SMPD3: variants seen among roughly 807,000 people sequenced by gnomAD.
SMPD3 encodes nSMase-2.
Under a neutral mutation model 55.7 loss-of-function variants are expected in SMPD3, and 21 were observed. The observed-to-expected ratio is 0.38, with a 90% CI of 0.27 to 0.54. The LOEUF is 0.54. SMPD3 is among the 20% of genes least tolerant of loss of function. SMPD3 has a pLI of 0.80. For synonymous variants in SMPD3, 457 were observed against 404.3 expected (o/e 1.13, Z -1.56); for missense variants, 842 against 899.6 (o/e 0.94, Z 0.82).
chr16:68,376,962 C>T (rs2089832012), intron 2 of SMPD3, among the ~76,000 whole-genome samples: 1 of 152,206 alleles, frequency 6.6e-6, no homozygotes. Flanking sequence ...GCCCTGCTTC[C>T]TTCCCTACCC....
chr16:68,376,460 G>A (rs2089817750), intron 2 of SMPD3, among the ~76,000 whole-genome samples: 1 of 152,264 alleles, frequency 6.6e-6, no homozygotes, highest in East Asian at 1.9e-4. Flanking sequence ...GGGCCCCTCT[G>A]AGGGGACTGG....
intron 1 of SMPD3, among the ~76,000 whole-genome samples, chr16:68,397,804 C>T (rs1296159982): frequency 6.6e-6 from 1 of 152,192 alleles, no homozygotes; most frequent in East Asian, 1.9e-4. Flanking sequence ...AGCCTTCCCC[C>T]CTCCCCTGGT....
chr16:68,372,490 G>C, intron 2 of SMPD3, 103 bp from the exon 3 acceptor site: 1 of 459,744 alleles, frequency 2.2e-6, no homozygotes, highest in East Asian at 4.3e-5. Context: ...TTCCCCTGGT[G>C]TGAGTGGGAC....
chr16:68,364,503 GC>G, intron 5 of SMPD3: 1 of 500,326 alleles, frequency 2.0e-6, no homozygotes. Context: ...TGCTTCAGAG[GC>G]CCCCAGCCTT....
In SMPD3 at chr16:68,363,426, T is replaced by C. The variant is rs2089375014; in HGVS notation, c.1709+70A>G. 2.6e-6 allele frequency: 4 copies of C among 1,560,576 alleles called. No homozygotes were observed. In the South Asian group the frequency reaches 3.3e-5, roughly 13 times the overall value. On this transcript the variant is annotated intron_variant, in intron 7 of 8. Coordinates refer to ENST00000219334, the MANE Select transcript of SMPD3 (RefSeq NM_018667.4). Reference sequence around the variant, plus strand: ...CCCGAGCTGAGCTCTCCCATGTGGGTCCTGCCCAGTCCCTGTCTCCACCTT... The same window carrying C: ...CCCGAGCTGAGCTCTCCCATGTGGGCCCTGCCCAGTCCCTGTCTCCACCTT...
intron 7 of SMPD3, among the ~76,000 whole-genome samples, chr16:68,362,026 T>C (rs1273724171): frequency 6.6e-6 from 1 of 152,158 alleles, no homozygotes; most frequent in Non-Finnish European, 1.5e-5. Flanking sequence ...CACTTTCCCT[T>C]TCTGAACTCG....
At chr16:68,427,209 G>C (rs796807351) in intron 1 of SMPD3, among the ~76,000 whole-genome samples, 8 of 152,066 alleles carry the variant, frequency 5.3e-5, no homozygotes, top group African/African-American at 1.9e-4. Context: ...CACCACGTTG[G>C]CCAGGCTCGT....
intron 1 of SMPD3, among the ~76,000 whole-genome samples, chr16:68,440,799 CCT>C (rs1271607269): frequency 2.0e-5 from 3 of 152,190 alleles, no homozygotes; most frequent in Non-Finnish European, 4.4e-5. Context: ...TTGTCATTCC[CCT>C]GATTCCCCTG....
rs765881033 is a variant in SMPD3 at position 68,364,742 on chromosome 16, C to T, written c.1555+9G>A. 1.4e-5 allele frequency: 22 copies of T among 1,609,152 alleles called. No homozygotes were observed. Among genetic ancestry groups the T allele is most frequent in the Middle Eastern group, 1.7e-4 (1 of 5,942 alleles). On this transcript the variant is annotated intron_variant, in intron 5 of 8. Transcript: ENST00000219334. ...CTGGAGACCTGAGTGGGGAGGAGCC[C>T]GGCCTCACCAGAGGAGCAGTTATCA...
In SMPD3 at chr16:68,370,708, G is replaced by C. The variant is rs1164440956; in HGVS notation, c.1323+151C>G. Reference sequence around the variant, plus strand: ...CCTGTCCCCGAGCCAGGGCCCTGCTGTTTGGCTCCAGGAAAGACCGCGTCT... The same window carrying C: ...CCTGTCCCCGAGCCAGGGCCCTGCTCTTTGGCTCCAGGAAAGACCGCGTCT... On this transcript the variant is annotated intron_variant, in intron 3 of 8. Coordinates refer to ENST00000219334, the MANE Select transcript of SMPD3 (RefSeq NM_018667.4). 8.7e-6 allele frequency: 9 copies of C among 1,034,392 alleles called. No homozygotes were observed. The East Asian group carries it at 1.6e-4, about 18-fold the overall frequency. The allele number at this position is 1,034,392 out of a possible 1,614,324, so 64.1% of individuals were successfully genotyped here. A position where few individuals can be genotyped will look rare whatever the true frequency, so the allele number is the denominator to read the frequency against.
chr16:68,390,600 G>A (rs1377831867), intron 1 of SMPD3, among the ~76,000 whole-genome samples: 5 of 152,220 alleles, frequency 3.3e-5, no homozygotes, highest in African/African-American at 4.8e-5. Context: ...GTTCAAGGCT[G>A]CAGTGAGCTG....
At position 68,361,451 on chromosome 16, in the gene SMPD3, G is replaced by A. The variant is rs2089260572; in HGVS notation, c.1867-144C>T. On this transcript the variant is annotated intron_variant, in intron 8 of 8. Coordinates refer to ENST00000219334, the MANE Select transcript of SMPD3 (RefSeq NM_018667.4). The stretch of plus-strand genomic sequence containing the variant: ...GCAGTCAGAGGGATGGGGCCTGGAG[G>A]ACCTGGGGCCCTAAGGGTCTGAGGG... The A allele has an allele frequency of 3.6e-6, 5 of 1,373,776 alleles. No individual in the cohort carries two copies. The Admixed American group carries it at 5.5e-5, about 15-fold the overall frequency. 85.1% of individuals were successfully genotyped at this position (1,373,776 alleles called of 1,614,324 possible). A position where few individuals can be genotyped will look rare whatever the true frequency, so the allele number is the denominator to read the frequency against.
intron 2 of SMPD3, among the ~76,000 whole-genome samples, chr16:68,380,145 G>T (rs2089915994): frequency 1.3e-5 from 2 of 152,260 alleles, no homozygotes; most frequent in African/African-American, 4.8e-5. Context: ...CTGGATGGAG[G>T]CTGGCACCTA....
chr16:68,367,418 C>G (rs2089514388), intron 3 of SMPD3: 1 of 141,676 alleles, frequency 7.1e-6, no homozygotes, highest in Non-Finnish European at 1.5e-5. Flanking sequence ...AGGCAGCTTC[C>G]AGTCGGATCT....
intron 7 of SMPD3, 93 bp downstream of exon 7, chr16:68,363,403 C>G (rs555330169): frequency 1.4e-6 from 2 of 1,415,124 alleles, no homozygotes; most frequent in African/African-American, 1.4e-5. Context: ...CTCATGAGCC[C>G]GAGCTGAGCT....
intron 1 of SMPD3, among the ~76,000 whole-genome samples, chr16:68,389,023 C>T: frequency 6.6e-6 from 1 of 152,214 alleles, no homozygotes; most frequent in Non-Finnish European, 1.5e-5. Context: ...TGCCTCCAAC[C>T]CTGCTCAGCA....
At chr16:68,387,876 G>A (rs1197555543) in intron 1 of SMPD3, among the ~76,000 whole-genome samples, 1 of 152,234 alleles carries the variant, frequency 6.6e-6, no homozygotes, top group African/African-American at 2.4e-5. Flanking sequence ...TCCCCTAACT[G>A]AAGATGTAGC....
chr16:68,433,615 G>A (rs920432458), intron 1 of SMPD3, among the ~76,000 whole-genome samples: 5 of 152,252 alleles, frequency 3.3e-5, no homozygotes, highest in Admixed American at 6.5e-5. Context: ...ATGGAAGGGT[G>A]GAAAGGATGA....
At chr16:68,434,405 C>CT (rs2090504387) in intron 1 of SMPD3, among the ~76,000 whole-genome samples, 2 of 152,282 alleles carry the variant, frequency 1.3e-5, no homozygotes, top group African/African-American at 4.8e-5. Flanking sequence ...TAAAATTACC[C>CT]TTTTTATCCT....
Sources: allele counts gnomAD v4.1 joint callset (sites outside exome capture counted in the v4.1 genomes callset), GRCh38; gene constraint gnomAD v4.1.1; transcripts MANE v1.5; gene names NCBI Gene and HGNC (gene_info 2026-07-23, HGNC 2026-07-21).